The following OR2M4 variants were observed in gnomAD, a reference collection of about 807,000 sequenced individuals.
The protein encoded by OR2M4 is olfactory receptor 2M4.
In OR2M4, 8 loss-of-function variants were observed where a neutral mutation model predicts 13.7. The observed-to-expected ratio is 0.58, with a 90% CI of 0.34 to 1.05. The LOEUF is 1.05. Among genes scored for constraint, OR2M4 ranks in the 50% least tolerant of loss-of-function variants. The pLI, the probability that OR2M4 is intolerant of heterozygous loss-of-function variation, is 0.02. For synonymous variants in OR2M4, 152 were observed against 141.3 expected, an observed-to-expected ratio of 1.08 and a Z score of -0.53; for missense variants, 374 against 381.6, an observed-to-expected ratio of 0.98 and a Z score of 0.17.
intron 1 of OR2M4, among the ~76,000 whole-genome samples, chr1:248,232,119 C>A (rs1268274787): frequency 6.6e-6 from 1 of 152,078 alleles, no homozygotes; most frequent in African/African-American, 2.4e-5. Flanking sequence ...ACAAAGTACC[C>A]AGTTTTCTTA....
In OR2M4 at chr1:248,243,938, G is replaced by GA. The variant is rs924752853; in HGVS notation, c.*4080dup. On this transcript the variant is annotated 3_prime_UTR_variant, in exon 2 of 2. Transcript: ENST00000641868. ...AGGCATATGAGCAGCCAACAAACATGAAAAAATGGTCATCATAGTTAGTTA... is the reference window on the plus strand; with the variant it reads ...AGGCATATGAGCAGCCAACAAACATGAAAAAAATGGTCATCATAGTTAGTTA... 2.6e-5 allele frequency: 4 copies of GA among 151,998 alleles called. No homozygotes were observed. The highest frequency in any genetic ancestry group is 5.9e-5 in the Non-Finnish European group (4 of 67,974). 9.4% of individuals were successfully genotyped at this position (151,998 alleles called of 1,614,324 possible). A position where few individuals can be genotyped will look rare whatever the true frequency, so the allele number is the denominator to read the frequency against.
At chr1:248,233,720 A>G (rs1666526406) in intron 1 of OR2M4, among the ~76,000 whole-genome samples, 2 of 152,060 alleles carry the variant, frequency 1.3e-5, no homozygotes, top group African/African-American at 4.8e-5. Flanking sequence ...CTGGAAATTC[A>G]AAAAAAATTT....
At position 248,238,802 on chromosome 1, in the gene OR2M4, G is replaced by C. The variant is rs927636642; in HGVS notation, c.-19-108G>C. ...GACTAAAGGAAGGTAACTGAAGGTT[G>C]GTGAGAAGGCCTTATGCATGCATAT... is the stretch of plus-strand genomic sequence containing the variant. On this transcript the variant is annotated intron_variant, in intron 1 of 1. Coordinates refer to ENST00000641868, the MANE Select transcript of OR2M4 (RefSeq NM_017504.2). The C allele has an allele frequency of 4.8e-6, 3 of 629,814 alleles. No homozygotes were observed. In the African/African-American group the frequency reaches 5.5e-5, roughly 12 times the overall value. The allele number at this position is 629,814 out of a possible 1,614,324, so 39.0% of individuals were successfully genotyped here.
chr1:248,237,050 C>A (rs2103022433), intron 1 of OR2M4, among the ~76,000 whole-genome samples: 1 of 152,252 alleles, frequency 6.6e-6, no homozygotes, highest in Admixed American at 6.5e-5. Flanking sequence ...GGACTTCTTC[C>A]TAACTCATTT....
At chr1:248,235,423 T>G (rs1666547842) in intron 1 of OR2M4, among the ~76,000 whole-genome samples, 1 of 152,196 alleles carries the variant, frequency 6.6e-6, no homozygotes, top group Non-Finnish European at 1.5e-5. Context: ...TAGTAAAGTT[T>G]GACGTCGAGT....
Position 248,239,584 on chromosome 1 carries a change from C to G in OR2M4, c.656C>G (p.Ser219Cys). The change falls in exon 2 of 2, where the codon TCC becomes TGC. Residue 219 changes from serine (S) to cysteine (C), a missense_variant. Transcript: ENST00000641868. ...GTTTCAGTTATCATACTTTCCTATT[C>G]CCATGTCCTTCGAGCCGTCATCCAC... ...FPVSVIILSYSHVLRAVIHMG... is the reference protein window; with the variant it reads ...FPVSVIILSYCHVLRAVIHMG... 6.2e-7 allele frequency: 1 copy of G among 1,614,102 alleles called. No individual in the cohort carries two copies. The highest frequency in any genetic ancestry group is 2.2e-5 in the East Asian group (1 of 44,876).
Position 248,239,832 on chromosome 1 carries a change from C to CA in OR2M4, c.905dup (p.Lys303GlufsTer17). 2 of 1,607,540 alleles carry CA rather than the reference C, an allele frequency of 1.2e-6. No homozygotes were observed. Among genetic ancestry groups the CA allele is most frequent in the South Asian group, 2.2e-5 (2 of 89,806 alleles). ...CAACAAAGAAGTGTTCAGGGCACTA[C>CA]AGAAGGTACTGAAGAAAAGAAAGTT... On this transcript the variant is annotated frameshift_variant, in exon 2 of 2. Coordinates refer to ENST00000641868, the MANE Select transcript of OR2M4 (RefSeq NM_017504.2). LOFTEE classifies it high-confidence loss of function.
intron 1 of OR2M4, among the ~76,000 whole-genome samples, chr1:248,236,933 A>G (rs116519550): frequency 0.018 from 2,675 of 152,312 alleles, 96 homozygotes; most frequent in African/African-American, 0.06. Context: ...TGGCCTACCA[A>G]CCAAAAAATG....
chr1:248,237,925 T>C (rs1666574621), intron 1 of OR2M4, among the ~76,000 whole-genome samples: 1 of 152,208 alleles, frequency 6.6e-6, no homozygotes, highest in Non-Finnish European at 1.5e-5. Flanking sequence ...GGGTTTTCTT[T>C]TGTCCCTAGA....
chr1:248,236,221 A>G (rs569103165), intron 1 of OR2M4, among the ~76,000 whole-genome samples: 1 of 152,312 alleles, frequency 6.6e-6, no homozygotes, highest in South Asian at 2.1e-4. Context: ...CTCTCAGACC[A>G]AAGCATAATC....
chr1:248,234,825 C>G (rs546640153), intron 1 of OR2M4, among the ~76,000 whole-genome samples: 1 of 151,152 alleles, frequency 6.6e-6, no homozygotes, highest in South Asian at 2.1e-4. Context: ...TGAGAAGTGT[C>G]TGTTCATGTC....
In OR2M4 at chr1:248,239,938, C is replaced by T. The variant is rs1039992329; in HGVS notation, c.*74C>T. The T allele has an allele frequency of 1.1e-5, 9 of 844,020 alleles. No individual in the cohort carries two copies. The African/African-American group carries it at 1.6e-4, about 15-fold the overall frequency. The allele number at this position is 844,020 out of a possible 1,614,324, so 52.3% of individuals were successfully genotyped here. A position where few individuals can be genotyped will look rare whatever the true frequency, so the allele number is the denominator to read the frequency against. The stretch of plus-strand genomic sequence containing the variant: ...AAAAACTGGAATCTCTTAAATTATT[C>T]TATTTCTATTTCTGGTAATTTGTAT... On this transcript the variant is annotated 3_prime_UTR_variant, in exon 2 of 2. Transcript: ENST00000641868.
At chr1:248,236,282 G>C (rs184839926) in intron 1 of OR2M4, among the ~76,000 whole-genome samples, 1 of 152,092 alleles carries the variant, frequency 6.6e-6, no homozygotes, top group Non-Finnish European at 1.5e-5. Flanking sequence ...CAACTACGTA[G>C]AAATTGAACA....
At chr1:248,236,975 T>C (rs1666563324) in intron 1 of OR2M4, among the ~76,000 whole-genome samples, 1 of 152,168 alleles carries the variant, frequency 6.6e-6, no homozygotes, top group Non-Finnish European at 1.5e-5. Context: ...AACCTGATTC[T>C]ATCAGAGGTA....
Position 248,239,348 on chromosome 1 carries a change from C to T in OR2M4, c.420C>T (p.Leu140=), listed in dbSNP as rs1242012195. The change falls in exon 2 of 2, where the codon CTC becomes CTT. Residue 140 remains leucine, a synonymous_variant. Coordinates refer to ENST00000641868, the MANE Select transcript of OR2M4 (RefSeq NM_017504.2). ...ACACCATCCTCATGAATCCGAAACT[C>T]TGTGTCTTCATGACTGTTGCTTCCT... is the stretch of plus-strand genomic sequence containing the variant. ...LQYTILMNPK[L]CVFMTVASWT... The T allele has an allele frequency of 1.2e-6, 2 of 1,613,510 alleles. No homozygotes were observed. The highest frequency in any genetic ancestry group is 3.3e-5 in the Admixed American group (2 of 60,004).
rs1467116686 is a variant in OR2M4, at chr1:248,241,990, T to A, written c.*2126T>A. On this transcript the variant is annotated 3_prime_UTR_variant, in exon 2 of 2. Coordinates refer to ENST00000641868, the MANE Select transcript of OR2M4 (RefSeq NM_017504.2). ...TGTCAAGTCAAAAATTTAGATTTAT[T>A]GGGATTTTAAAAGAAGATAATACTA... is the stretch of plus-strand genomic sequence containing the variant. The A allele has an allele frequency of 6.6e-6, 1 of 152,162 alleles. No individual in the cohort carries two copies. Among genetic ancestry groups the A allele is most frequent in the South Asian group, 2.1e-4 (1 of 4,836 alleles). The allele number at this position is 152,162 out of a possible 1,614,324, so 9.4% of individuals were successfully genotyped here. A position where few individuals can be genotyped will look rare whatever the true frequency, so the allele number is the denominator to read the frequency against.
At chr1:248,234,881 T>A (rs1666542526) in intron 1 of OR2M4, among the ~76,000 whole-genome samples, 1 of 151,994 alleles carries the variant, frequency 6.6e-6, no homozygotes, top group Admixed American at 6.6e-5. Flanking sequence ...TAAATGTAAG[T>A]TCCTTGTAAA....
intron 1 of OR2M4, among the ~76,000 whole-genome samples, chr1:248,237,527 C>T (rs1247354552): frequency 4.6e-5 from 7 of 151,710 alleles, no homozygotes; most frequent in Admixed American, 4.6e-4. Context: ...GTGGCGGGCG[C>T]CTGTAATCTC....
In OR2M4 at chr1:248,239,056, T is replaced by G. The variant is rs2103023005; in HGVS notation, c.128T>G (p.Ile43Ser). 1 of 1,614,026 alleles carries G rather than the reference T, an allele frequency of 6.2e-7. No homozygotes were observed. The highest frequency in any genetic ancestry group is 2.2e-5 in the East Asian group (1 of 44,876). Residue 43 changes from isoleucine (I) to serine (S), a missense_variant, in exon 2 of 2, where the codon ATT becomes AGT. Ile to Ser is a moderately radical substitution (Grantham distance 142, BLOSUM62 -2). Transcript: ENST00000641868. ...TTCTCACTGGCATTGATGGAAAATATTTCCATGGTTCTCCTCATCTACATA... is the reference window on the plus strand; with the variant it reads ...TTCTCACTGGCATTGATGGAAAATAGTTCCATGGTTCTCCTCATCTACATA... Reference protein sequence around the residue: ...GIFSLALMENISMVLLIYIEK... With the variant: ...GIFSLALMENSSMVLLIYIEK...
Sources: allele counts gnomAD v4.1 joint callset (sites outside exome capture counted in the v4.1 genomes callset), GRCh38; gene constraint gnomAD v4.1.1; transcripts MANE v1.5; gene names NCBI Gene and HGNC (gene_info 2026-07-23, HGNC 2026-07-21).